The following PROCR variants were observed in gnomAD, a reference collection of about 807,000 sequenced individuals.
The protein encoded by PROCR is endothelial protein C receptor.
PROCR carries 22 observed loss-of-function variants against 24.2 expected under a neutral mutation model. That is an observed-to-expected ratio of 0.91 (90% CI 0.65 to 1.30). The LOEUF (loss-of-function observed/expected upper bound fraction) is 1.30. Among genes scored for constraint, PROCR ranks in the 50% most tolerant of loss-of-function variants. The pLI is 0.00. For synonymous variants in PROCR, 137 were observed against 139.2 expected, an observed-to-expected ratio of 0.98 and a Z score of 0.11; for missense variants, 288 against 307.7, an observed-to-expected ratio of 0.94 and a Z score of 0.48.
chr20:35,192,761 T>C (rs1009490863), intron 1 of PROCR, among the ~76,000 whole-genome samples: 4 of 152,158 alleles, frequency 2.6e-5, no homozygotes, highest in African/African-American at 9.7e-5. Context: ...TTCCTTGAAA[T>C]GCACGAGGCT....
intron 1 of PROCR, among the ~76,000 whole-genome samples, chr20:35,212,170 C>T (rs1403941182): frequency 6.6e-6 from 1 of 152,102 alleles, no homozygotes; most frequent in Non-Finnish European, 1.5e-5. Context: ...CAAAGGAGGT[C>T]ACATTAGAGT....
intron 1 of PROCR, among the ~76,000 whole-genome samples, chr20:35,204,226 A>G (rs2060329148): frequency 6.6e-6 from 1 of 152,224 alleles, no homozygotes; most frequent in Admixed American, 6.5e-5. Context: ...AACTCAGTCC[A>G]GAAGAAACAG....
intron 1 of PROCR, among the ~76,000 whole-genome samples, chr20:35,209,686 A>G (rs961349073): frequency 6.7e-5 from 10 of 150,296 alleles, no homozygotes; most frequent in African/African-American, 2.5e-4. Context: ...AGTCAGGGGA[A>G]GTGTATTTCA....
downstream of PROCR, among the ~76,000 whole-genome samples, chr20:35,181,435 C>T (rs542704409): frequency 5.9e-5 from 9 of 151,610 alleles, no homozygotes; most frequent in Admixed American, 1.3e-4. Context: ...CCACCACGCC[C>T]GGCTAATTTT....
At position 35,175,886 on chromosome 20, in the gene PROCR, A is replaced by AGCTGG. The variant is rs2086010641; in HGVS notation, c.323-280_323-279insTGGGC. 2.7e-5 allele frequency among the ~76,000 whole-genome samples: 4 copies of AGCTGG among 149,278 alleles called. No individual in the cohort carries two copies. In the East Asian group the frequency reaches 7.9e-4, roughly 29 times the overall value. ...AGGCGTGAGCTGCCGCCCCTGCCCCAGCCTCACCCCCTGTTTTTTTTTTCT... is the reference window on the plus strand; with the variant it reads ...AGGCGTGAGCTGCCGCCCCTGCCCCAGCTGGGCCTCACCCCCTGTTTTTTTTTTCT... On this transcript the variant is annotated intron_variant, in intron 2 of 3. Coordinates refer to ENST00000216968, the MANE Select transcript of PROCR (RefSeq NM_006404.5).
chr20:35,214,633 G>A (rs2060374494), intron 1 of PROCR, among the ~76,000 whole-genome samples: 1 of 149,378 alleles, frequency 6.7e-6, no homozygotes, highest in Non-Finnish European at 1.5e-5. Context: ...AGGTTGCAGT[G>A]AGCCGAGATC....
In PROCR at chr20:35,174,022, T is replaced by C. The variant is rs372850938; in HGVS notation, c.71-680T>C. On this transcript the variant is annotated intron_variant, in intron 1 of 3. Transcript: ENST00000216968. The stretch of plus-strand genomic sequence containing the variant: ...AACCTTGGCTCTGCTACACTATCTC[T>C]GTCTCAGTTTCCCATGTAGACTGGG... Among the ~76,000 whole-genome samples the C allele has an allele frequency of 1.1e-4, 16 of 152,334 alleles. No individual in the cohort carries two copies. The South Asian group carries it at 3.1e-3, about 30-fold the overall frequency.
Position 35,173,274 on chromosome 20 carries a change from C to T in PROCR, c.70+1050C>T, listed in dbSNP as rs139880995. ...TGGCCTGTGTGTGTTTGGAGACAGC[C>T]AGGTAGTATCCCGTGAGATACACAC... On this transcript the variant is annotated intron_variant, in intron 1 of 3. Transcript: ENST00000216968. Among the ~76,000 whole-genome samples the T allele has an allele frequency of 8.0e-4, 121 of 152,066 alleles. 1 individual carries two copies. In the East Asian group the frequency reaches 0.016, roughly 20 times the overall value.
At chr20:35,213,919 A>AT (rs1419548804) in intron 1 of PROCR, among the ~76,000 whole-genome samples, 1 of 151,824 alleles carries the variant, frequency 6.6e-6, no homozygotes, top group African/African-American at 2.4e-5. Flanking sequence ...TACTAAAAAT[A>AT]TAAAAAATAG....
chr20:35,205,777 A>ATATATATATATG (rs1358794344), intron 1 of PROCR, among the ~76,000 whole-genome samples: 4 of 137,736 alleles, frequency 2.9e-5, no homozygotes, highest in African/African-American at 1.1e-4. Flanking sequence ...ATATATATAT[A>ATATATATATATG]TATATATATA....
Position 35,176,362 on chromosome 20 carries a change from C to T in PROCR, c.517C>T (p.Arg173Cys), listed in dbSNP as rs900068008. Residue 173 changes from arginine to cysteine, a missense_variant, in exon 3 of 4, where the codon CGC (arginine) becomes TGC (cysteine). By Grantham distance (180) the Arg-to-Cys change is radical (BLOSUM62 -3). Coordinates refer to ENST00000216968, the MANE Select transcript of PROCR (RefSeq NM_006404.5). ...CCTGCAGCAGCTCAATGCCTACAAC[C>T]GCACTCGGTATGAACTGCGGGAATT... ...FTLQQLNAYN[R>C]TRYELREFLE... 5.6e-6 allele frequency: 9 copies of T among 1,614,232 alleles called. No homozygotes were observed. Among genetic ancestry groups the T allele is most frequent in the East Asian group, 2.2e-5 (1 of 44,892 alleles).
chr20:35,178,254 A>G (rs2086041062), downstream of PROCR, among the ~76,000 whole-genome samples: 1 of 151,414 alleles, frequency 6.6e-6, no homozygotes. Flanking sequence ...AAATACAAAA[A>G]TTAGCTAAGT....
intron 1 of PROCR, among the ~76,000 whole-genome samples, chr20:35,207,450 T>C (rs2060346850): frequency 6.6e-6 from 1 of 151,864 alleles, no homozygotes; most frequent in Admixed American, 6.6e-5. Flanking sequence ...TTTCCCCTCA[T>C]ATTACTATCA....
At position 35,176,924 on chromosome 20, in the gene PROCR, G is replaced by A. The variant is rs1340470399; in HGVS notation, c.*111G>A. On this transcript the variant is annotated 3_prime_UTR_variant, in exon 4 of 4. Coordinates refer to ENST00000216968, the MANE Select transcript of PROCR (RefSeq NM_006404.5). ...ACTGAAACACCAGAAGGTTTGGAGT[G>A]ACAGCTCCTTTCTTCTCCCACATCT... 1 of 1,537,250 alleles carries A rather than the reference G, an allele frequency of 6.5e-7. No individual in the cohort carries two copies. The highest frequency in any genetic ancestry group is 8.8e-7 in the Non-Finnish European group (1 of 1,139,616).
chr20:35,201,844 G>A (rs1018091289), intron 1 of PROCR: 1 of 150,948 alleles, frequency 6.6e-6, no homozygotes, highest in East Asian at 1.9e-4. Flanking sequence ...ATGATAAAAG[G>A]GTCAATTCAC....
At chr20:35,187,606 A>C (rs182253171) in intron 1 of PROCR, among the ~76,000 whole-genome samples, 1 of 152,360 alleles carries the variant, frequency 6.6e-6, no homozygotes, top group East Asian at 1.9e-4. Flanking sequence ...GAGGTAAGTA[A>C]TCAGGGAAAC....
At chr20:35,211,815 A>G (rs2060363533) in intron 1 of PROCR, among the ~76,000 whole-genome samples, 1 of 152,122 alleles carries the variant, frequency 6.6e-6, no homozygotes, top group Non-Finnish European at 1.5e-5. Flanking sequence ...GGAGTTTGAG[A>G]CCAGCCTGGC....
chr20:35,194,667 G>A (rs1312571067), intron 1 of PROCR, among the ~76,000 whole-genome samples: 1 of 152,172 alleles, frequency 6.6e-6, no homozygotes, highest in Non-Finnish European at 1.5e-5. Context: ...GCTTGGTAAT[G>A]GCTTTGATAA....
intron 1 of PROCR, among the ~76,000 whole-genome samples, chr20:35,197,599 G>C (rs963504212): frequency 6.6e-6 from 1 of 151,886 alleles, no homozygotes; most frequent in Non-Finnish European, 1.5e-5. Flanking sequence ...CGAGGTGGGC[G>C]GATCACAAGG....
Sources: gnomAD v4.1 joint callset for allele counts (sites outside exome capture counted in the v4.1 genomes callset) on GRCh38, gnomAD v4.1.1 for gene constraint, MANE v1.5 for transcripts, NCBI Gene and HGNC (gene_info 2026-07-23, HGNC 2026-07-21) for gene names.